The following KIFAP3 variants were observed in gnomAD, a reference collection of about 807,000 sequenced individuals.
The protein encoded by KIFAP3 is kinesin associated protein 3.
Under a neutral mutation model 106.5 loss-of-function variants are expected in KIFAP3, and 68 were observed. That is an observed-to-expected ratio of 0.64 (90% CI 0.53 to 0.78). The LOEUF is 0.78. KIFAP3 is among the 30% of genes least tolerant of loss of function. KIFAP3 has a pLI of 0.00. For missense variants in KIFAP3, 780 were observed against 941.8 expected (o/e 0.83, Z 2.25); for synonymous variants, 320 against 311.5 (o/e 1.03, Z -0.29).
intron 1 of KIFAP3, among the ~76,000 whole-genome samples, chr1:170,079,777 GT>G (rs549428254): frequency 1.5e-4 from 22 of 146,852 alleles, no homozygotes; most frequent in South Asian, 6.5e-4. Context: ...GGACTTCAGG[GT>G]TTTTTTTTTA....
At chr1:169,981,226 T>C (rs906255632) in intron 15 of KIFAP3, among the ~76,000 whole-genome samples, 15 of 152,174 alleles carry the variant, frequency 9.9e-5, no homozygotes, top group Non-Finnish European at 2.2e-4. Flanking sequence ...TCAAAAATAT[T>C]AAATGAAAAA....
At chr1:169,978,033 C>A in intron 16 of KIFAP3, 52 bp downstream of exon 16, 1 of 1,153,528 alleles carries the variant, frequency 8.7e-7, no homozygotes, top group South Asian at 1.4e-5. Flanking sequence ...AAAGATGCAT[C>A]TTTTCTGAAT....
intron 18 of KIFAP3, among the ~76,000 whole-genome samples, chr1:169,957,720 G>A (rs576910224): frequency 6.6e-5 from 10 of 151,820 alleles, no homozygotes; most frequent in Non-Finnish European, 7.4e-5. Flanking sequence ...CTCCACCTCC[G>A]GGTTCAAGCG....
chr1:169,997,318 T>C (rs926570380), intron 10 of KIFAP3, among the ~76,000 whole-genome samples: 2 of 152,200 alleles, frequency 1.3e-5, no homozygotes, highest in Non-Finnish European at 2.9e-5. Flanking sequence ...ATACAATAAA[T>C]CAATTCAATA....
chr1:169,921,508 C>G lies in KIFAP3; in HGVS notation c.*168G>C. 1.8e-6 allele frequency: 1 copy of G among 556,592 alleles called. No homozygotes were observed. The highest frequency in any genetic ancestry group is 3.2e-6 in the Non-Finnish European group (1 of 310,278). The allele number at this position is 556,592 out of a possible 1,614,324, so 34.5% of individuals were successfully genotyped here. A position where few individuals can be genotyped will look rare whatever the true frequency, so the allele number is the denominator to read the frequency against. On this transcript the variant is annotated 3_prime_UTR_variant, in exon 20 of 20. Transcript: ENST00000361580. ...CAATGTCAGTATCAACTGTACTTAA[C>G]AGAAGACAGAGGGGCTGGGGTTAAT... is the stretch of plus-strand genomic sequence containing the variant.
chr1:170,015,496 G>T (rs892542176), intron 10 of KIFAP3, among the ~76,000 whole-genome samples: 1 of 152,118 alleles, frequency 6.6e-6, no homozygotes, highest in Non-Finnish European at 1.5e-5. Flanking sequence ...TAACATTGTT[G>T]TGCAGTATTG....
upstream of KIFAP3, among the ~76,000 whole-genome samples, chr1:170,077,490 T>C (rs757016369): frequency 1.6e-4 from 24 of 152,224 alleles, no homozygotes; most frequent in Non-Finnish European, 2.2e-4. Flanking sequence ...ACATATGACA[T>C]GGATGAATAT....
intron 2 of KIFAP3, among the ~76,000 whole-genome samples, chr1:170,052,475 C>T (rs1670626817): frequency 6.6e-6 from 1 of 152,162 alleles, no homozygotes; most frequent in Non-Finnish European, 1.5e-5. Context: ...AGAGGGACTC[C>T]TTCCTAACTC....
intron 17 of KIFAP3, among the ~76,000 whole-genome samples, chr1:169,963,195 C>T (rs907778759): frequency 2.6e-5 from 4 of 152,144 alleles, no homozygotes; most frequent in Non-Finnish European, 4.4e-5. Context: ...TAAGTGAGAG[C>T]ATGTGGTATT....
chr1:169,928,548 T>G lies in KIFAP3; in HGVS notation c.2274-6767A>C, dbSNP rs990655425. Among the ~76,000 whole-genome samples, 124 of 151,264 alleles carry G rather than the reference T, an allele frequency of 8.2e-4. 1 individual carries two copies. The highest frequency in any genetic ancestry group is 2.9e-3 in the African/African-American group (118 of 41,212). The stretch of plus-strand genomic sequence containing the variant: ...CTCATTTCTACAAAAATACAGAAAA[T>G]TATGCAGGCATGGTGGTGCACACCC... On this transcript the variant is annotated intron_variant, in intron 19 of 19. Coordinates refer to ENST00000361580, the MANE Select transcript of KIFAP3 (RefSeq NM_014970.4).
chr1:169,950,970 T>TA (rs1558189460), intron 19 of KIFAP3, among the ~76,000 whole-genome samples: 1 of 150,092 alleles, frequency 6.7e-6, no homozygotes, highest in Non-Finnish European at 1.5e-5. Flanking sequence ...TGGATACTGT[T>TA]AAAAAAGAGC....
chr1:170,041,765 T>C, intron 3 of KIFAP3: 1 of 1,532,880 alleles, frequency 6.5e-7, no homozygotes, highest in Non-Finnish European at 8.7e-7. Flanking sequence ...TCGACATCCC[T>C]TTTGCCTTCT....
At chr1:170,060,906 G>A (rs146697464) in intron 1 of KIFAP3, among the ~76,000 whole-genome samples, 1 of 152,072 alleles carries the variant, frequency 6.6e-6, no homozygotes, top group Non-Finnish European at 1.5e-5. Context: ...AACAAGCAAT[G>A]GGGAAAGGAT....
intron 5 of KIFAP3, 88 bp from the exon 6 acceptor site, chr1:170,035,641 A>C: frequency 2.7e-6 from 2 of 732,172 alleles, no homozygotes; most frequent in Admixed American, 3.2e-5. Flanking sequence ...TTATTAATGA[A>C]TAATAAAGCT....
chr1:169,921,620 C>T lies in KIFAP3; in HGVS notation c.*56G>A. On this transcript the variant is annotated 3_prime_UTR_variant, in exon 20 of 20. Transcript: ENST00000361580. ...TTATTAGGCAAAGATCCAAAATTAA[C>T]CCAACCCACACAGATTTCTTCTAAG... 7.2e-7 allele frequency: 1 copy of T among 1,389,108 alleles called. No individual in the cohort carries two copies. Among genetic ancestry groups the T allele is most frequent in the Non-Finnish European group, 1.0e-6 (1 of 983,170 alleles). The allele number at this position is 1,389,108 out of a possible 1,614,324, so 86.0% of individuals were successfully genotyped here.
intron 17 of KIFAP3, among the ~76,000 whole-genome samples, chr1:169,970,112 G>A (rs1019649429): frequency 6.6e-6 from 1 of 151,984 alleles, no homozygotes; most frequent in Admixed American, 6.6e-5. Context: ...TGATTCCCAT[G>A]ATTGCCTTCA....
chr1:170,052,971 T>C (rs893386774), intron 2 of KIFAP3, among the ~76,000 whole-genome samples: 4 of 152,162 alleles, frequency 2.6e-5, no homozygotes, highest in Non-Finnish European at 5.9e-5. Flanking sequence ...CTATTCAACA[T>C]AGTATTGGAA....
intron 19 of KIFAP3, among the ~76,000 whole-genome samples, chr1:169,933,944 C>A (rs1349229244): frequency 6.6e-6 from 1 of 151,978 alleles, no homozygotes; most frequent in Non-Finnish European, 1.5e-5. Context: ...GACATGACTT[C>A]TTTCTTTGTA....
In KIFAP3 at chr1:169,940,821, C is replaced by T. The variant is rs139299453; in HGVS notation, c.2273+13190G>A. 7.2e-5 allele frequency among the ~76,000 whole-genome samples: 11 copies of T among 152,206 alleles called. No homozygotes were observed. The East Asian group carries it at 2.1e-3, about 29-fold the overall frequency. ...GTCACTGAAGTCAGCATTGTTTCTA[C>T]TCCTTTCCAGCAGTTTCATTTAAAA... On this transcript the variant is annotated intron_variant, in intron 19 of 19. Coordinates refer to ENST00000361580, the MANE Select transcript of KIFAP3 (RefSeq NM_014970.4).
Sources: allele counts gnomAD v4.1 joint callset (sites outside exome capture counted in the v4.1 genomes callset), GRCh38; gene constraint gnomAD v4.1.1; transcripts MANE v1.5; gene names NCBI Gene and HGNC (gene_info 2026-07-23, HGNC 2026-07-21).